ASAP1: variants seen among roughly 807,000 people sequenced by gnomAD.
The protein encoded by ASAP1 is ArfGAP with SH3 domain, ankyrin repeat and PH domain 1.
In ASAP1, 43 loss-of-function variants were observed where a neutral mutation model predicts 145.2. The ratio of observed to expected loss-of-function variants is 0.30; its 90% CI spans 0.23 to 0.38. The LOEUF is 0.38. ASAP1 is among the 10% of genes least tolerant of loss of function. ASAP1 has a pLI of 1.00. For synonymous variants in ASAP1, 546 were observed against 515.5 expected, an observed-to-expected ratio of 1.06 and a Z score of -0.80; for missense variants, 1,018 against 1,355.3, an observed-to-expected ratio of 0.75 and a Z score of 3.91.
Position 130,098,590 on chromosome 8 carries a change from C to T in ASAP1, c.2402-6447G>A, listed in dbSNP as rs547827959. ...GGCTCAAACCCCTGATCTCATGATC[C>T]GCCCGCCTCGGCCTCCCAAAGTGCC... On this transcript the variant is annotated intron_variant, in intron 24 of 29. Coordinates refer to ENST00000518721, the MANE Select transcript of ASAP1 (RefSeq NM_018482.4). Among the ~76,000 whole-genome samples the T allele has an allele frequency of 2.6e-5, 4 of 152,250 alleles. No homozygotes were observed. The South Asian group carries it at 6.2e-4, about 24-fold the overall frequency.
intron 3 of ASAP1, among the ~76,000 whole-genome samples, chr8:130,294,523 A>G (rs1822141232): frequency 6.6e-6 from 1 of 152,236 alleles, no homozygotes; most frequent in East Asian, 1.9e-4. Flanking sequence ...CTCTGCACCT[A>G]CACAATGGGG....
chr8:130,283,149 T>C (rs563683587), intron 3 of ASAP1, among the ~76,000 whole-genome samples: 8 of 152,316 alleles, frequency 5.3e-5, no homozygotes, highest in Admixed American at 2.0e-4. Flanking sequence ...AGCTCTGCAG[T>C]AACTACTGTT....
In ASAP1 at chr8:130,167,580, G is replaced by C; in HGVS notation, c.865C>G (p.Leu289Val). Residue 289 changes from leucine (L) to valine (V), a missense_variant, in exon 11 of 30, where the codon CTC (leucine) becomes GTC (valine). Coordinates refer to ENST00000518721, the MANE Select transcript of ASAP1 (RefSeq NM_018482.4). ...AGAGAGGATTTTATTAAGTCTCGGA[G>C]TGCAGTTAGCTGTTTCTTTTCTTCA... Reference protein sequence around the residue: ...QDEEKKQLTALRDLIKSSLQL... With the variant: ...QDEEKKQLTAVRDLIKSSLQL... The C allele has an allele frequency of 6.2e-7, 1 of 1,613,652 alleles. No homozygotes were observed. The highest frequency in any genetic ancestry group is 8.5e-7 in the Non-Finnish European group (1 of 1,179,648).
intron 5 of ASAP1, among the ~76,000 whole-genome samples, chr8:130,191,622 T>C (rs974867662): frequency 1.3e-5 from 2 of 152,124 alleles, no homozygotes; most frequent in Non-Finnish European, 2.9e-5. Context: ...GAGAGTGGTG[T>C]GAGAAGGACC....
intron 3 of ASAP1, among the ~76,000 whole-genome samples, chr8:130,252,202 C>A (rs1028362033): frequency 2.0e-5 from 3 of 152,120 alleles, no homozygotes; most frequent in Non-Finnish European, 4.4e-5. Flanking sequence ...AAAGGTCTAT[C>A]ATTTATTGTC....
intron 14 of ASAP1, 26 bp from the exon 15 acceptor site, chr8:130,134,370 G>T: frequency 6.8e-7 from 1 of 1,478,230 alleles, no homozygotes. Flanking sequence ...AGAAAAATAA[G>T]TGAAACCTTA....
intron 2 of ASAP1, among the ~76,000 whole-genome samples, chr8:130,401,166 G>A (rs142764996): frequency 1.6e-4 from 25 of 152,270 alleles, no homozygotes; most frequent in African/African-American, 4.8e-4. Flanking sequence ...ACAGGCATGA[G>A]CCACTGCACC....
chr8:130,337,359 C>A (rs537653452), intron 3 of ASAP1, among the ~76,000 whole-genome samples: 1 of 152,292 alleles, frequency 6.6e-6, no homozygotes, highest in East Asian at 1.9e-4. Context: ...TCCTGTACCA[C>A]CAACCACCTG....
chr8:130,156,834 T>G (rs1424584886), intron 12 of ASAP1, among the ~76,000 whole-genome samples: 1 of 152,234 alleles, frequency 6.6e-6, no homozygotes. Context: ...ATAATTTACT[T>G]GAACACTTTA....
intron 3 of ASAP1, among the ~76,000 whole-genome samples, chr8:130,287,472 T>A (rs1821686732): frequency 6.6e-6 from 1 of 152,112 alleles, no homozygotes; most frequent in African/African-American, 2.4e-5. Context: ...GACCCCCTCA[T>A]CCATCCATTT....
At chr8:130,317,956 T>A (rs1411930597) in intron 3 of ASAP1, among the ~76,000 whole-genome samples, 1 of 152,216 alleles carries the variant, frequency 6.6e-6, no homozygotes, top group Non-Finnish European at 1.5e-5. Flanking sequence ...TTAGTCACTT[T>A]TACCAAAATA....
intron 25 of ASAP1, among the ~76,000 whole-genome samples, chr8:130,090,115 GA>G (rs1214462365): frequency 6.6e-6 from 1 of 152,106 alleles, no homozygotes; most frequent in Non-Finnish European, 1.5e-5. Context: ...ACAATGGGGG[GA>G]AAAACGGCCA....
At chr8:130,091,502 C>T (rs777970372) in intron 25 of ASAP1, among the ~76,000 whole-genome samples, 29 of 152,154 alleles carry the variant, frequency 1.9e-4, no homozygotes, top group Non-Finnish European at 4.0e-4. Context: ...AGATAAGAGC[C>T]CGATCATGCA....
At chr8:130,249,130 AGC>A (rs1819040750) in intron 3 of ASAP1, among the ~76,000 whole-genome samples, 1 of 152,118 alleles carries the variant, frequency 6.6e-6, no homozygotes, top group Non-Finnish European at 1.5e-5. Context: ...ATCATGCCCC[AGC>A]CAGGTACTTC....
intron 2 of ASAP1, among the ~76,000 whole-genome samples, chr8:130,359,076 A>G (rs1341997103): frequency 6.6e-6 from 1 of 152,150 alleles, no homozygotes; most frequent in Non-Finnish European, 1.5e-5. Context: ...CGCTCGCCCC[A>G]TCTCTCTGCA....
Position 130,112,163 on chromosome 8 carries a change from T to G in ASAP1, c.2332A>C (p.Thr778Pro). Residue 778 changes from threonine to proline, a missense_variant, in exon 24 of 30, where the codon ACA becomes CCA. This residue lies in a region of ASAP1 where 353 missense variants were observed against 375.4 expected (regional missense o/e 0.94). Transcript: ENST00000518721. ...GAFTNQIFVS[T>P]STDSPTSPTT... is the part of the protein sequence containing the mutation. ...GGTGATGTGGGCGAGTCTGTGCTTG[T>G]GGAAACGAAGATCTGGTTGGTGAAG... 6.2e-7 allele frequency: 1 copy of G among 1,614,072 alleles called. No homozygotes were observed. The highest frequency in any genetic ancestry group is 2.2e-5 in the East Asian group (1 of 44,874).
At chr8:130,064,326 G>A (rs1442414668) in intron 27 of ASAP1, among the ~76,000 whole-genome samples, 1 of 152,144 alleles carries the variant, frequency 6.6e-6, no homozygotes, top group Admixed American at 6.5e-5. Flanking sequence ...GGAAGAAACA[G>A]TATTTGTACA....
At chr8:130,439,469 C>T (rs182945620) in intron 1 of ASAP1, among the ~76,000 whole-genome samples, 7 of 152,260 alleles carry the variant, frequency 4.6e-5, no homozygotes, top group Non-Finnish European at 8.8e-5. Flanking sequence ...ATATGTCTAT[C>T]ACCCCCATCA....
intron 27 of ASAP1, among the ~76,000 whole-genome samples, chr8:130,072,830 C>CGCGCACGCGCGGG (rs1448184178): frequency 6.3e-5 from 2 of 31,930 alleles, no homozygotes; most frequent in South Asian, 2.2e-3. Flanking sequence ...TGTGTGCGCG[C>CGCGCACGCGCGGG]GGGGGGGGGC....
Sources: allele counts gnomAD v4.1 joint callset (sites outside exome capture counted in the v4.1 genomes callset), GRCh38; gene constraint gnomAD v4.1.1; regional missense constraint gnomAD v4.1.1; transcripts MANE v1.5; gene names NCBI Gene and HGNC (gene_info 2026-07-23, HGNC 2026-07-21).